The following DLGAP2 variants were observed in gnomAD, a reference collection of about 807,000 sequenced individuals.
The protein encoded by DLGAP2 is disks large-associated protein 2.
Under a neutral mutation model 100.3 loss-of-function variants are expected in DLGAP2, and 26 were observed. That is an observed-to-expected ratio of 0.26 (90% confidence interval 0.19 to 0.36). DLGAP2 has a LOEUF of 0.36. Among genes scored for constraint, DLGAP2 ranks in the 10% least tolerant of loss-of-function variants. The probability of loss-of-function intolerance (pLI) is 1.00; values close to 1 mark genes in which losing one functional copy is unlikely to be tolerated. For synonymous variants in DLGAP2, 886 were observed against 630.1 expected, an observed-to-expected ratio of 1.41 and a Z score of -6.08; for missense variants, 1,858 against 1,453.2, an observed-to-expected ratio of 1.28 and a Z score of -4.53.
At chr8:1,462,436 G>A (rs1156702563) in intron 3 of DLGAP2, among the ~76,000 whole-genome samples, 1 of 99,308 alleles carries the variant, frequency 1.0e-5, no homozygotes, top group Non-Finnish European at 2.1e-5. Context: ...ACTGGGTGCA[G>A]TCGCTGATTT....
At chr8:959,675 G>A (rs1336600697) in intron 2 of DLGAP2, among the ~76,000 whole-genome samples, 1 of 152,198 alleles carries the variant, frequency 6.6e-6, no homozygotes, top group African/African-American at 2.4e-5. Context: ...CATTGTGAGA[G>A]TTAATTCATC....
chr8:922,483 G>A (rs1024256622), intron 2 of DLGAP2, among the ~76,000 whole-genome samples: 1 of 152,162 alleles, frequency 6.6e-6, no homozygotes, highest in African/African-American at 2.4e-5. Context: ...AAAGGGGAAA[G>A]GTTTTTAAAA....
chr8:868,290 G>T (rs551291915), intron 1 of DLGAP2, among the ~76,000 whole-genome samples: 1 of 152,354 alleles, frequency 6.6e-6, no homozygotes, highest in African/African-American at 2.4e-5. Context: ...CTGTGGAGGT[G>T]TGTCTCGTTG....
At chr8:1,379,923 T>G (rs1333752546) in intron 3 of DLGAP2, among the ~76,000 whole-genome samples, 1 of 147,218 alleles carries the variant, frequency 6.8e-6, no homozygotes, top group Non-Finnish European at 1.5e-5. Flanking sequence ...GGCCTGATTT[T>G]GGGGTGCCCT....
intron 2 of DLGAP2, among the ~76,000 whole-genome samples, chr8:1,191,469 C>G (rs1290530437): frequency 1.3e-5 from 2 of 152,150 alleles, no homozygotes; most frequent in Non-Finnish European, 2.9e-5. Context: ...CGCGCCCAGC[C>G]GATACGTTTT....
At chr8:1,048,015 G>A (rs1017651472) in intron 2 of DLGAP2, among the ~76,000 whole-genome samples, 1 of 152,160 alleles carries the variant, frequency 6.6e-6, no homozygotes, top group Non-Finnish European at 1.5e-5. Context: ...CAAGGGTGCG[G>A]ACACTGTGGT....
rs371166968 is a variant in DLGAP2 at position 1,013,606 on chromosome 8, CTGTG to C, written c.73+105647_73+105650del. On this transcript the variant is annotated intron_variant, in intron 2 of 14. Transcript: ENST00000637795. ...AGCAAACGGACAGACGGCGCCTCCA[CTGTG>C]TGTGTGACCAGGACAGACGGTGCCT... Among the ~76,000 whole-genome samples, 33 of 142,864 alleles carry C rather than the reference CTGTG, an allele frequency of 2.3e-4. 1 individual carries two copies. Among genetic ancestry groups the C allele is most frequent in the African/African-American group, 9.8e-4 (33 of 33,718 alleles). The allele number at this position is 142,864 out of a possible 152,430, so 93.7% of individuals were successfully genotyped here.
In DLGAP2 at chr8:1,549,156, T is replaced by A. The variant is rs776534466; in HGVS notation, c.703T>A (p.Ser235Thr). 14 of 1,596,260 alleles carry A rather than the reference T, an allele frequency of 8.8e-6. No individual in the cohort carries two copies. In the South Asian group the frequency reaches 1.5e-4, roughly 17 times the overall value. ...CGGGCGGATCCGCCACCTGGTACAC[T>A]CCGTGCAGAAGCTCTTCACCAAGTC... ...SPGRIRHLVH[S>T]VQKLFTKSHS... The change falls in exon 5 of 15, where the codon TCC becomes ACC. Residue 235 changes from serine to threonine, a missense_variant. Transcript: ENST00000637795.
chr8:1,199,746 T>G (rs1053155794), intron 2 of DLGAP2, among the ~76,000 whole-genome samples: 2 of 152,166 alleles, frequency 1.3e-5, no homozygotes, highest in South Asian at 2.1e-4. Context: ...CTAGGACACT[T>G]TAGCATGAGA....
chr8:1,255,381 G>A (rs1339241519), intron 2 of DLGAP2, among the ~76,000 whole-genome samples: 1 of 108,316 alleles, frequency 9.2e-6, no homozygotes, highest in African/African-American at 5.0e-5. Flanking sequence ...CATCCTGCCC[G>A]GGTGCTGTGT....
At chr8:1,584,158 T>C (rs866310484) in intron 6 of DLGAP2, among the ~76,000 whole-genome samples, 5 of 152,204 alleles carry the variant, frequency 3.3e-5, no homozygotes, top group Admixed American at 1.3e-4. Flanking sequence ...CCTCACACAC[T>C]GGATGAATGG....
At chr8:1,071,435 G>T (rs960877326) in intron 2 of DLGAP2, among the ~76,000 whole-genome samples, 1 of 152,130 alleles carries the variant, frequency 6.6e-6, no homozygotes, top group African/African-American at 2.4e-5. Context: ...GTGGGGCTGT[G>T]CTAGCCTAGG....
intron 7 of DLGAP2, among the ~76,000 whole-genome samples, chr8:1,632,287 A>G (rs1797666320): frequency 6.6e-6 from 1 of 152,224 alleles, no homozygotes; most frequent in South Asian, 2.1e-4. Context: ...GGGGATAAGG[A>G]GATGAGTTTA....
chr8:895,607 C>T (rs1448197096), intron 1 of DLGAP2, among the ~76,000 whole-genome samples: 4 of 152,140 alleles, frequency 2.6e-5, no homozygotes, highest in Non-Finnish European at 5.9e-5. Flanking sequence ...TGTTTGGGGC[C>T]ATTGCAGTGG....
chr8:750,268 G>C (rs1364020218), intron 1 of DLGAP2, among the ~76,000 whole-genome samples: 1 of 152,218 alleles, frequency 6.6e-6, no homozygotes, highest in African/African-American at 2.4e-5. Flanking sequence ...CCGCATCCTT[G>C]CCACACGAGG....
At chr8:1,507,329 T>G (rs1379849970) in intron 4 of DLGAP2, among the ~76,000 whole-genome samples, 1 of 140,690 alleles carries the variant, frequency 7.1e-6, no homozygotes, top group African/African-American at 3.0e-5. Context: ...CCGGGGAGAT[T>G]TGGCGTGCAG....
intron 2 of DLGAP2, among the ~76,000 whole-genome samples, chr8:941,093 C>T (rs1338204397): frequency 1.3e-5 from 2 of 152,188 alleles, no homozygotes; most frequent in Non-Finnish European, 2.9e-5. Context: ...CACCAGAGAA[C>T]AGGCCCTTTC....
chr8:1,579,793 C>G (rs995121504), intron 6 of DLGAP2, among the ~76,000 whole-genome samples: 1 of 152,190 alleles, frequency 6.6e-6, no homozygotes, highest in Non-Finnish European at 1.5e-5. Context: ...CATATCGTTG[C>G]GTGACACGGT....
intron 2 of DLGAP2, among the ~76,000 whole-genome samples, chr8:1,235,357 T>G (rs1798627788): frequency 6.9e-6 from 1 of 145,692 alleles, no homozygotes; most frequent in South Asian, 2.3e-4. Flanking sequence ...ATCTCACACG[T>G]GGCGTCGTGT....
Sources: allele counts gnomAD v4.1 joint callset (sites outside exome capture counted in the v4.1 genomes callset), GRCh38; gene constraint gnomAD v4.1.1; transcripts MANE v1.5; gene names NCBI Gene and HGNC (gene_info 2026-07-23, HGNC 2026-07-21).